The following LRRIQ1 variants were observed in gnomAD, a reference collection of about 807,000 sequenced individuals.
The protein encoded by LRRIQ1 is leucine-rich repeat- and IQ domain-containing protein 1.
Under a neutral mutation model 211.9 loss-of-function variants are expected in LRRIQ1, and 210 were observed. The ratio of observed to expected loss-of-function variants is 0.99; its 90% confidence interval spans 0.89 to 1.11. The LOEUF (loss-of-function observed/expected upper bound fraction) is 1.11, where lower values mean the gene tolerates loss of function less well. Among genes scored for constraint, LRRIQ1 ranks in the 50% most tolerant of loss-of-function variants. LRRIQ1 has a pLI of 0.00. For missense variants in LRRIQ1, 2,136 were observed against 1,939.5 expected, an observed-to-expected ratio of 1.10 and a Z score of -1.90; for synonymous variants, 699 against 650.1, an observed-to-expected ratio of 1.08 and a Z score of -1.14.
chr12:85,181,186 T>A (rs1345975679), intron 24 of LRRIQ1, among the ~76,000 whole-genome samples: 2 of 146,756 alleles, frequency 1.4e-5, no homozygotes, highest in Non-Finnish European at 3.0e-5. Context: ...CAGTAATAAA[T>A]CTAATTATAA....
chr12:85,073,680 G>A (rs1395838103), intron 11 of LRRIQ1, among the ~76,000 whole-genome samples: 2 of 151,986 alleles, frequency 1.3e-5, no homozygotes, highest in Non-Finnish European at 2.9e-5. Flanking sequence ...CTCTGTGCAT[G>A]CAGTACAGAG....
chr12:85,173,017 G>A (rs1186863673), intron 24 of LRRIQ1, among the ~76,000 whole-genome samples: 3 of 152,184 alleles, frequency 2.0e-5, no homozygotes, highest in African/African-American at 7.2e-5. Context: ...GCTGAGGTAG[G>A]AGAATCGCTT....
chr12:85,200,771 C>G (rs1893248386), intron 24 of LRRIQ1, among the ~76,000 whole-genome samples: 1 of 152,062 alleles, frequency 6.6e-6, no homozygotes, highest in Non-Finnish European at 1.5e-5. Context: ...TTGAACTAAC[C>G]TTGCATCCCA....
chr12:85,089,620 A>G (rs11116702), intron 11 of LRRIQ1, among the ~76,000 whole-genome samples: 34,567 of 152,102 alleles, frequency 0.23, 4,451 homozygotes, highest in Admixed American at 0.31. Flanking sequence ...TTGGACTTGA[A>G]AGTGGTGATT....
At position 85,065,406 on chromosome 12, in the gene LRRIQ1, G is replaced by A. The variant is rs1332312242; in HGVS notation, c.2536G>A (p.Asp846Asn). 4 of 1,607,218 alleles carry A rather than the reference G, an allele frequency of 2.5e-6. No individual in the cohort carries two copies. In the African/African-American group the frequency reaches 4.0e-5, roughly 16 times the overall value. ...LSNCKKLKYI[D>N]AQENHIEAIE... The stretch of plus-strand genomic sequence containing the variant: ...TAATTGTAAAAAACTTAAGTACATT[G>A]ATGCACAGGTATGCTCTCTGCCCTA... The change falls in exon 9 of 27, where the codon GAT (aspartate) becomes AAT (asparagine). Residue 846 changes from aspartate to asparagine, a missense_variant. Transcript: ENST00000393217.
At chr12:85,075,418 C>A (rs995446520) in intron 11 of LRRIQ1, among the ~76,000 whole-genome samples, 3 of 152,086 alleles carry the variant, frequency 2.0e-5, no homozygotes, top group African/African-American at 7.2e-5. Flanking sequence ...GTACTGACAT[C>A]TGCTTGGCTT....
intron 24 of LRRIQ1, among the ~76,000 whole-genome samples, chr12:85,218,928 C>T (rs777883376): frequency 1.3e-5 from 2 of 152,064 alleles, no homozygotes; most frequent in African/African-American, 2.4e-5. Flanking sequence ...TTTTGCTTCT[C>T]TTAAATTTTT....
At chr12:85,272,123 T>A in the LRRIQ1 span, among the ~76,000 whole-genome samples, 5 of 152,290 alleles carry the variant, frequency 3.3e-5, no homozygotes, top group East Asian at 7.7e-4. Flanking sequence ...TAGTTAGAGA[T>A]GCCCAAAGAA....
chr12:85,151,951 A>T (rs7974623), intron 19 of LRRIQ1, among the ~76,000 whole-genome samples: 43,088 of 151,570 alleles, frequency 0.28, 6,260 homozygotes, highest in Admixed American at 0.34. Flanking sequence ...GAGCTAAAAA[A>T]ATGACTTTAC....
At chr12:85,211,187 G>C (rs1893820426) in intron 24 of LRRIQ1, among the ~76,000 whole-genome samples, 1 of 152,144 alleles carries the variant, frequency 6.6e-6, no homozygotes, top group Non-Finnish European at 1.5e-5. Flanking sequence ...CAAACCCTCA[G>C]AAGTCATGAT....
chr12:85,153,358 A>G (rs1890352991), intron 21 of LRRIQ1, among the ~76,000 whole-genome samples: 1 of 151,588 alleles, frequency 6.6e-6, no homozygotes, highest in South Asian at 2.1e-4. Context: ...TTTATATGTC[A>G]GGGAAACAAT....
intron 19 of LRRIQ1, among the ~76,000 whole-genome samples, chr12:85,142,612 C>G (rs866597449): frequency 6.6e-6 from 1 of 151,476 alleles, no homozygotes; most frequent in Middle Eastern, 3.4e-3. Context: ...CTCCTGCAAC[C>G]GCCACCACCA....
chr12:85,170,826 C>T (rs991431648), intron 24 of LRRIQ1, among the ~76,000 whole-genome samples: 4 of 151,962 alleles, frequency 2.6e-5, no homozygotes, highest in South Asian at 2.1e-4. Flanking sequence ...AGAAGGAAAT[C>T]CAAAGAGCTG....
At chr12:85,244,101 G>C (rs1895602293) in intron 26 of LRRIQ1, among the ~76,000 whole-genome samples, 1 of 151,404 alleles carries the variant, frequency 6.6e-6, no homozygotes, top group Non-Finnish European at 1.5e-5. Context: ...TCAACATTAT[G>C]TACAACACTG....
chr12:85,037,173 C>T (rs190736478), intron 1 of LRRIQ1, among the ~76,000 whole-genome samples: 1 of 151,846 alleles, frequency 6.6e-6, no homozygotes, highest in East Asian at 1.9e-4. Context: ...ATTAATTGCA[C>T]TTCTCTTTTG....
At chr12:85,186,659 A>AT (rs554103191) in intron 24 of LRRIQ1, among the ~76,000 whole-genome samples, 2 of 152,106 alleles carry the variant, frequency 1.3e-5, no homozygotes, top group African/African-American at 4.8e-5. Flanking sequence ...CAAAAAATAT[A>AT]TTTTTTTAAT....
chr12:85,201,263 T>C (rs1399339189), intron 24 of LRRIQ1, among the ~76,000 whole-genome samples: 3 of 149,004 alleles, frequency 2.0e-5, no homozygotes, highest in Admixed American at 6.7e-5. Context: ...TTTTTTTCAA[T>C]AATGTCCCTC....
intron 11 of LRRIQ1, among the ~76,000 whole-genome samples, chr12:85,077,633 A>C (rs960789026): frequency 2.6e-5 from 4 of 152,066 alleles, no homozygotes; most frequent in Non-Finnish European, 5.9e-5. Flanking sequence ...GTCAGCCTTT[A>C]TTTGACATTA....
intron 24 of LRRIQ1, among the ~76,000 whole-genome samples, chr12:85,201,915 A>G (rs1023165714): frequency 6.6e-6 from 1 of 151,652 alleles, no homozygotes; most frequent in Non-Finnish European, 1.5e-5. Flanking sequence ...TTACTTTTTG[A>G]TGTGTGCTCT....
Sources: allele counts gnomAD v4.1 joint callset (sites outside exome capture counted in the v4.1 genomes callset), GRCh38; gene constraint gnomAD v4.1.1; transcripts MANE v1.5; gene names NCBI Gene and HGNC (gene_info 2026-07-23, HGNC 2026-07-21).